The following PTPRK variants were observed in gnomAD, a reference collection of about 807,000 sequenced individuals.
The protein encoded by PTPRK is protein tyrosine phosphatase receptor type K.
Under a neutral mutation model 178.0 loss-of-function variants are expected in PTPRK, and 75 were observed. The observed-to-expected ratio is 0.42, with a 90% CI of 0.35 to 0.51. The LOEUF (loss-of-function observed/expected upper bound fraction) is 0.51. PTPRK is among the 20% of genes least tolerant of loss of function. The probability of loss-of-function intolerance (pLI) is 0.02; values close to 1 mark genes in which losing one functional copy is unlikely to be tolerated. For synonymous variants in PTPRK, 637 were observed against 620.6 expected, an observed-to-expected ratio of 1.03 and a Z score of -0.39; for missense variants, 1,441 against 1,797.8, an observed-to-expected ratio of 0.80 and a Z score of 3.59.
At chr6:128,009,557 G>A (rs779966099) in intron 13 of PTPRK, among the ~76,000 whole-genome samples, 7 of 151,080 alleles carry the variant, frequency 4.6e-5, no homozygotes, top group East Asian at 2.0e-4. Context: ...TTGAAAGTCC[G>A]AACATAAGGT....
chr6:128,397,730 T>C (rs368721569), intron 1 of PTPRK, 42 bp from the exon 2 acceptor site: 204 of 1,597,716 alleles, frequency 1.3e-4, no homozygotes, highest in Non-Finnish European at 1.6e-4. Context: ...AAACAGATTT[T>C]CCAAACATAA....
intron 2 of PTPRK, among the ~76,000 whole-genome samples, chr6:128,337,885 C>T (rs1294710273): frequency 1.3e-5 from 2 of 152,102 alleles, no homozygotes; most frequent in Non-Finnish European, 2.9e-5. Flanking sequence ...AAGATCATTT[C>T]AGGCAAAATA....
intron 2 of PTPRK, among the ~76,000 whole-genome samples, chr6:128,335,278 C>A (rs940358144): frequency 6.6e-6 from 1 of 151,964 alleles, no homozygotes; most frequent in African/African-American, 2.4e-5. Context: ...TGGATTGTTG[C>A]AAGGATTACG....
chr6:128,168,791 C>G (rs184356290), intron 7 of PTPRK, among the ~76,000 whole-genome samples: 5 of 151,932 alleles, frequency 3.3e-5, no homozygotes, highest in Admixed American at 2.0e-4. Context: ...GGTTGGGGAC[C>G]GCTGCACTAC....
chr6:127,986,294 G>T (rs1202533459), intron 21 of PTPRK, among the ~76,000 whole-genome samples: 3 of 152,284 alleles, frequency 2.0e-5, no homozygotes, highest in Non-Finnish European at 2.9e-5. Flanking sequence ...CTCACAAAGA[G>T]ATTTTAATGC....
At chr6:128,370,901 T>C (rs1836180675) in intron 2 of PTPRK, among the ~76,000 whole-genome samples, 1 of 152,202 alleles carries the variant, frequency 6.6e-6, no homozygotes, top group African/African-American at 2.4e-5. Context: ...ATACAAATCA[T>C]GTTTTCCCTT....
chr6:128,143,166 G>GT (rs2114519539), intron 7 of PTPRK, among the ~76,000 whole-genome samples: 2 of 152,074 alleles, frequency 1.3e-5, no homozygotes, highest in East Asian at 3.9e-4. Flanking sequence ...AAAGGCAACA[G>GT]CAAAAGATTG....
At chr6:128,236,480 C>T (rs549594041) in intron 5 of PTPRK, among the ~76,000 whole-genome samples, 3 of 151,490 alleles carry the variant, frequency 2.0e-5, no homozygotes, top group Non-Finnish European at 4.4e-5. Context: ...TGCCGAGTAG[C>T]TGGGACTAGA....
intron 7 of PTPRK, among the ~76,000 whole-genome samples, chr6:128,140,422 A>G (rs922052868): frequency 3.9e-5 from 6 of 152,036 alleles, no homozygotes; most frequent in Non-Finnish European, 7.4e-5. Context: ...ATCTCATAAT[A>G]AATGTCAGGA....
At chr6:128,295,170 C>A (rs1824090150) in intron 3 of PTPRK, among the ~76,000 whole-genome samples, 1 of 152,056 alleles carries the variant, frequency 6.6e-6, no homozygotes, top group Admixed American at 6.6e-5. Context: ...TACTTTCAAA[C>A]TATTGTCCTT....
At position 128,448,588 on chromosome 6, in the gene PTPRK, A is replaced by G. The variant is rs1247837677; in HGVS notation, c.101-50900T>C. Among the ~76,000 whole-genome samples, 8 of 152,332 alleles carry G rather than the reference A, an allele frequency of 5.3e-5. No homozygotes were observed. In the East Asian group the frequency reaches 1.5e-3, roughly 29 times the overall value. On this transcript the variant is annotated intron_variant, in intron 1 of 29. Coordinates refer to ENST00000368226, the MANE Select transcript of PTPRK (RefSeq NM_002844.4). Reference sequence around the variant, plus strand: ...TAATTACTGGAAATAATTTATGCACAAGGCTTTGTATTAATAAGATGCTAG... The same window carrying G: ...TAATTACTGGAAATAATTTATGCACGAGGCTTTGTATTAATAAGATGCTAG...
intron 7 of PTPRK, among the ~76,000 whole-genome samples, chr6:128,103,665 T>C (rs965972075): frequency 5.3e-5 from 8 of 152,178 alleles, no homozygotes; most frequent in African/African-American, 1.9e-4. Flanking sequence ...CATCAGACAA[T>C]TCTTTTTTTC....
chr6:128,491,523 G>A (rs1048111104), intron 1 of PTPRK, among the ~76,000 whole-genome samples: 1 of 152,198 alleles, frequency 6.6e-6, no homozygotes, highest in Admixed American at 6.5e-5. Context: ...CCTGGCTCCG[G>A]TGTATCCACA....
intron 6 of PTPRK, among the ~76,000 whole-genome samples, chr6:128,212,396 T>C (rs541337635): frequency 6.6e-6 from 1 of 152,178 alleles, no homozygotes; most frequent in Non-Finnish European, 1.5e-5. Flanking sequence ...ACTGTTTCTT[T>C]ATTTTTGGTT....
At chr6:128,031,388 A>G (rs909773699) in intron 13 of PTPRK, among the ~76,000 whole-genome samples, 9 of 152,234 alleles carry the variant, frequency 5.9e-5, no homozygotes, top group Admixed American at 3.9e-4. Context: ...TTGAAAAGAA[A>G]ATAAATGTTC....
chr6:128,488,524 A>G (rs1853297069), intron 1 of PTPRK, among the ~76,000 whole-genome samples: 1 of 152,244 alleles, frequency 6.6e-6, no homozygotes. Context: ...TCCACAAGCC[A>G]GATGCCTACT....
intron 6 of PTPRK, among the ~76,000 whole-genome samples, chr6:128,207,133 A>C (rs1269793822): frequency 1.3e-5 from 2 of 152,120 alleles, no homozygotes; most frequent in Non-Finnish European, 2.9e-5. Context: ...TGCATCTTTC[A>C]TCATCTGGTA....
chr6:128,238,034 A>C, intron 5 of PTPRK: 1 of 452,592 alleles, frequency 2.2e-6, no homozygotes, highest in South Asian at 1.6e-5. Flanking sequence ...GATGTAAGTG[A>C]ATAAGTTAAG....
chr6:128,301,490 A>T (rs1486735533), intron 3 of PTPRK, among the ~76,000 whole-genome samples: 11 of 152,088 alleles, frequency 7.2e-5, no homozygotes, highest in Non-Finnish European at 1.5e-5. Flanking sequence ...TGTTAAGCAC[A>T]TGCATTAATA....
Sources: gnomAD v4.1 joint callset for allele counts (sites outside exome capture counted in the v4.1 genomes callset) on GRCh38, gnomAD v4.1.1 for gene constraint, MANE v1.5 for transcripts, NCBI Gene and HGNC (gene_info 2026-07-23, HGNC 2026-07-21) for gene names.